UHRF1: variants seen among roughly 807,000 people sequenced by gnomAD.
UHRF1 encodes ubiquitin like with PHD and ring finger domains 1, also known as E3 ubiquitin-protein ligase UHRF1.
UHRF1 carries 9 observed loss-of-function variants against 96.5 expected under a neutral mutation model. The ratio of observed to expected loss-of-function variants is 0.09; its 90% CI spans 0.06 to 0.16. The LOEUF (loss-of-function observed/expected upper bound fraction) is 0.16. Among genes scored for constraint, UHRF1 ranks in the 10% least tolerant of loss-of-function variants. The pLI is 1.00. For missense variants in UHRF1, 626 were observed against 1,131.1 expected (o/e 0.55, Z 6.40); for synonymous variants, 455 against 469.9 (o/e 0.97, Z 0.41).
intron 2 of UHRF1, among the ~76,000 whole-genome samples, chr19:4,919,478 A>C (rs938558882): frequency 2.6e-5 from 4 of 150,980 alleles, no homozygotes; most frequent in African/African-American, 9.8e-5. Flanking sequence ...AATTTTTTGT[A>C]TTTTTAGTAG....
At chr19:4,921,434 C>T (rs1413757679) in intron 2 of UHRF1, among the ~76,000 whole-genome samples, 3 of 151,714 alleles carry the variant, frequency 2.0e-5, no homozygotes, top group Admixed American at 1.3e-4. Context: ...AGTGAAACTC[C>T]GTTTCAAAAA....
chr19:4,931,594 A>G (rs990371286), intron 4 of UHRF1, among the ~76,000 whole-genome samples: 6 of 151,836 alleles, frequency 4.0e-5, no homozygotes, highest in African/African-American at 1.5e-4. Context: ...CAGCCTCCCA[A>G]GTAGCTGGGA....
rs753965332 is a variant in UHRF1, at chr19:4,944,231, G to A, written c.1173G>A (p.Ser391=). The A allele has an allele frequency of 9.3e-6, 15 of 1,613,950 alleles. No homozygotes were observed. The highest frequency in any genetic ancestry group is 1.2e-5 in the Non-Finnish European group (14 of 1,179,908). ...KKKAKMASAT[S]SSQRDWGKGM... Reference sequence around the variant, plus strand: ...AGGCGAAGATGGCCTCGGCCACATCGTCCTCACAGCGGGACTGGGGCAAGG... The same window carrying A: ...AGGCGAAGATGGCCTCGGCCACATCATCCTCACAGCGGGACTGGGGCAAGG... The change falls in exon 8 of 17, where the codon TCG becomes TCA. Residue 391 remains serine, a synonymous_variant. Coordinates refer to ENST00000650932, the MANE Select transcript of UHRF1 (RefSeq NM_001048201.3).
chr19:4,927,696 C>T (rs984622728), intron 2 of UHRF1, among the ~76,000 whole-genome samples: 6 of 152,198 alleles, frequency 3.9e-5, no homozygotes, highest in South Asian at 2.1e-4. Context: ...TGGGGGACAT[C>T]GGTTGTTGTC....
intron 5 of UHRF1, among the ~76,000 whole-genome samples, chr19:4,938,153 C>A (rs147789278): frequency 6.6e-6 from 1 of 151,580 alleles, no homozygotes; most frequent in Non-Finnish European, 1.5e-5. Context: ...GATTCCGTCT[C>A]GGTGGGGTGG....
At chr19:4,912,440 GC>G (rs751128892) in intron 2 of UHRF1, among the ~76,000 whole-genome samples, 4 of 152,162 alleles carry the variant, frequency 2.6e-5, no homozygotes, top group Non-Finnish European at 5.9e-5. Flanking sequence ...GGACTCTCAT[GC>G]TCCCAAGTTC....
At chr19:4,921,341 A>G (rs1422291630) in intron 2 of UHRF1, among the ~76,000 whole-genome samples, 1 of 152,134 alleles carries the variant, frequency 6.6e-6, no homozygotes, top group Non-Finnish European at 1.5e-5. Context: ...CGGGAGGCTG[A>G]GGCAGGAGAA....
At chr19:4,921,123 A>T (rs2032687344) in intron 2 of UHRF1, among the ~76,000 whole-genome samples, 1 of 134,692 alleles carries the variant, frequency 7.4e-6, no homozygotes, top group East Asian at 2.2e-4. Flanking sequence ...ACTCCGTCTC[A>T]AAAAAGAAAA....
chr19:4,925,734 G>C (rs2032847074), intron 2 of UHRF1, among the ~76,000 whole-genome samples: 2 of 151,902 alleles, frequency 1.3e-5, no homozygotes, highest in South Asian at 2.1e-4. Context: ...GTTGACCAGG[G>C]TGGTCTCAAA....
At chr19:4,940,789 C>G (rs956578759) in intron 5 of UHRF1, among the ~76,000 whole-genome samples, 10 of 152,036 alleles carry the variant, frequency 6.6e-5, no homozygotes, top group African/African-American at 2.2e-4. Context: ...TCTCCTGCCT[C>G]AGCCTCCTGG....
intron 1 of UHRF1, among the ~76,000 whole-genome samples, chr19:4,903,974 T>G (rs79728770): frequency 1.3e-5 from 2 of 151,942 alleles, no homozygotes; most frequent in Non-Finnish European, 2.9e-5. Context: ...CCCTGCATGA[T>G]TGACATTTCT....
intron 4 of UHRF1, 80 bp from the exon 5 acceptor site, chr19:4,932,661 G>A (rs79261378): frequency 0.016 from 23,950 of 1,511,106 alleles, 240 homozygotes; most frequent in Non-Finnish European, 0.02. Flanking sequence ...GGGAGGGGCC[G>A]TCCCACCTCG....
chr19:4,936,021 C>T lies in UHRF1; in HGVS notation c.785+3065C>T, dbSNP rs113694729. Among the ~76,000 whole-genome samples the T allele has an allele frequency of 3.8e-3, 586 of 152,274 alleles. 4 individuals carry two copies. The highest frequency in any genetic ancestry group is 0.013 in the African/African-American group (528 of 41,552). On this transcript the variant is annotated intron_variant, in intron 5 of 16. Coordinates refer to ENST00000650932, the MANE Select transcript of UHRF1 (RefSeq NM_001048201.3). ...GCAGGGGTGTCACCAGGCAGGGAAA[C>T]GAAGATACCTGGCCGACCACACCTT...
chr19:4,957,008 A>G (rs2033874384), intron 16 of UHRF1, among the ~76,000 whole-genome samples, 195 bp downstream of exon 16: 1 of 152,118 alleles, frequency 6.6e-6, no homozygotes, highest in Non-Finnish European at 1.5e-5. Context: ...TTCTCCCCCA[A>G]GTCCTGTATG....
chr19:4,945,697 C>T (rs774381275), intron 9 of UHRF1, among the ~76,000 whole-genome samples, 164 bp from the exon 10 acceptor site: 6 of 150,868 alleles, frequency 4.0e-5, no homozygotes, highest in African/African-American at 7.3e-5. Context: ...CAACTCCGGC[C>T]GTCTCTAGCC....
rs2033791740 is a variant in UHRF1, at chr19:4,954,237, T to G, written c.1819-113T>G. 6.7e-7 allele frequency: 1 copy of G among 1,489,154 alleles called. No individual in the cohort carries two copies. Among genetic ancestry groups the G allele is most frequent in the Non-Finnish European group, 9.1e-7 (1 of 1,104,422 alleles). 92.2% of individuals were successfully genotyped at this position (1,489,154 alleles called of 1,614,324 possible). ...ACTACCCTGTGCTCTTCAGGGGGAT[T>G]GGGGGTCAGGTGTGTCTGGAAACCC... is the stretch of plus-strand genomic sequence containing the variant. On this transcript the variant is annotated intron_variant, in intron 13 of 16. Transcript: ENST00000650932. The surrounding 1 kb of genome is among the most constrained non-coding windows in gnomAD (Gnocchi z 5.9).
Position 4,954,846 on chromosome 19 carries a change from C to T in UHRF1, c.2130+24C>T, listed in dbSNP as rs571603543. 2.1e-5 allele frequency: 34 copies of T among 1,609,996 alleles called. No individual in the cohort carries two copies. In the South Asian group the frequency reaches 2.3e-4, roughly 11 times the overall value. On this transcript the variant is annotated intron_variant, in intron 15 of 16. Coordinates refer to ENST00000650932, the MANE Select transcript of UHRF1 (RefSeq NM_001048201.3). This position sits in a 1 kb window ranked among gnomAD's most constrained non-coding sequence, Gnocchi z 5.9. ...CGGTAGGCTCGCACGGCTCACTCGT[C>T]GCCCTGATTTGCGTTGACTGCGGTA...
rs16992679 is a variant in UHRF1 at position 4,930,938 on chromosome 19, C to A, written c.569+62C>A. ...GCTCTGTGACGCGCATCCTTGGCTGCGGGTGTTCAGGCCAGAGCTTGGCAC... is the reference window on the plus strand; with the variant it reads ...GCTCTGTGACGCGCATCCTTGGCTGAGGGTGTTCAGGCCAGAGCTTGGCAC... On this transcript the variant is annotated intron_variant, in intron 4 of 16. Coordinates refer to ENST00000650932, the MANE Select transcript of UHRF1 (RefSeq NM_001048201.3). The surrounding 1 kb of genome is among the most constrained non-coding windows in gnomAD (Gnocchi z 4.4). 1.3e-6 allele frequency: 2 copies of A among 1,596,214 alleles called. No homozygotes were observed. The highest frequency in any genetic ancestry group is 1.7e-6 in the Non-Finnish European group (2 of 1,169,006).
chr19:4,919,393 C>T (rs934371874), intron 2 of UHRF1, among the ~76,000 whole-genome samples: 61 of 151,896 alleles, frequency 4.0e-4, no homozygotes, highest in Admixed American at 6.6e-4. Flanking sequence ...AGCTCCACCT[C>T]CTGGGTTCAT....
Sources: allele counts gnomAD v4.1 joint callset (sites outside exome capture counted in the v4.1 genomes callset), GRCh38; gene constraint gnomAD v4.1.1; non-coding constraint Gnocchi (gnomAD v3.1); transcripts MANE v1.5; gene names NCBI Gene and HGNC (gene_info 2026-07-23, HGNC 2026-07-21).